Variants in NBEA observed in about 807,000 individuals in gnomAD.
The protein encoded by NBEA is neurobeachin, also known as lysosomal-trafficking regulator 2.
In NBEA, 44 loss-of-function variants were observed where a neutral mutation model predicts 343.4. That is an observed-to-expected ratio of 0.13 (90% CI 0.10 to 0.16). The LOEUF (loss-of-function observed/expected upper bound fraction) is 0.16. NBEA is among the 10% of genes least tolerant of loss of function. The probability of loss-of-function intolerance (pLI) is 1.00; values close to 1 mark genes in which losing one functional copy is unlikely to be tolerated. For synonymous variants in NBEA, 1,175 were observed against 1,238.7 expected (o/e 0.95, Z 1.08); for missense variants, 2,555 against 3,631.3 (o/e 0.70, Z 7.62).
chr13:35,494,685 A>G (rs2076611809), intron 41 of NBEA, among the ~76,000 whole-genome samples: 1 of 152,024 alleles, frequency 6.6e-6, no homozygotes, highest in Non-Finnish European at 1.5e-5. Flanking sequence ...AACCATATCA[A>G]TAATAGCATT....
chr13:35,154,417 G>A (rs2069011499), intron 18 of NBEA, among the ~76,000 whole-genome samples: 1 of 152,072 alleles, frequency 6.6e-6, no homozygotes. Context: ...TTCAGAATTT[G>A]CCATGTTAAA....
chr13:35,259,167 G>T (rs2032969720), intron 34 of NBEA, among the ~76,000 whole-genome samples: 1 of 151,972 alleles, frequency 6.6e-6, no homozygotes, highest in South Asian at 2.1e-4. Context: ...TTATTATCTG[G>T]TGTCCTGAAT....
intron 36 of NBEA, among the ~76,000 whole-genome samples, chr13:35,331,672 A>G (rs2038934778): frequency 6.6e-6 from 1 of 152,098 alleles, no homozygotes; most frequent in Non-Finnish European, 1.5e-5. Context: ...CAAGAACATC[A>G]GAACTTGCTT....
chr13:35,444,049 TAG>T (rs1179487736), intron 39 of NBEA, among the ~76,000 whole-genome samples: 1 of 151,994 alleles, frequency 6.6e-6, no homozygotes, highest in Non-Finnish European at 1.5e-5. Flanking sequence ...ATTGTTACAG[TAG>T]ACTGTTCTAG....
chr13:35,263,566 G>A (rs973465499), intron 34 of NBEA, among the ~76,000 whole-genome samples: 3 of 152,092 alleles, frequency 2.0e-5, no homozygotes, highest in Admixed American at 2.0e-4. Context: ...GACTGAAATT[G>A]TATCAGGTAT....
At chr13:35,439,946 C>T (rs949784191) in intron 39 of NBEA, among the ~76,000 whole-genome samples, 2 of 152,160 alleles carry the variant, frequency 1.3e-5, no homozygotes, top group Non-Finnish European at 2.9e-5. Context: ...ATGGTGCGAT[C>T]TTGGCTCACT....
At chr13:35,143,550 G>C (rs952819942) in intron 18 of NBEA, among the ~76,000 whole-genome samples, 12 of 152,146 alleles carry the variant, frequency 7.9e-5, no homozygotes, top group African/African-American at 2.9e-4. Flanking sequence ...CATGCTAAGA[G>C]AAGACTTACA....
At chr13:35,358,385 C>T (rs1045453877) in intron 38 of NBEA, among the ~76,000 whole-genome samples, 14 of 151,962 alleles carry the variant, frequency 9.2e-5, no homozygotes, top group African/African-American at 3.4e-4. Flanking sequence ...CCCAACTGAG[C>T]TTATAGTCTA....
In NBEA at chr13:35,272,229, C is replaced by T. The variant is rs138364270; in HGVS notation, c.5777-18160C>T. On this transcript the variant is annotated intron_variant, in intron 34 of 58. Transcript: ENST00000379939. The stretch of plus-strand genomic sequence containing the variant: ...CATTCTTGAAGAAAATAATTTTCAA[C>T]CCAGAATCCCATATCCAGCCAAACT... Among the ~76,000 whole-genome samples the T allele has an allele frequency of 9.8e-3, 1,495 of 152,232 alleles. 26 individuals are homozygous for T. The highest frequency in any genetic ancestry group is 0.034 in the African/African-American group (1,422 of 41,506).
At chr13:34,962,047 T>G (rs983105345) in intron 1 of NBEA, among the ~76,000 whole-genome samples, 6 of 152,108 alleles carry the variant, frequency 3.9e-5, no homozygotes, top group African/African-American at 1.4e-4. Flanking sequence ...TTAATACAAG[T>G]TAATTTCACC....
chr13:35,476,716 AT>A, intron 41 of NBEA: 1 of 1,066,956 alleles, frequency 9.4e-7, no homozygotes, highest in Non-Finnish European at 1.2e-6. Flanking sequence ...TCGTGTGGAA[AT>A]TATAAAGGCA....
At chr13:35,118,738 T>C (rs1593404749) in intron 16 of NBEA, among the ~76,000 whole-genome samples, 2 of 151,982 alleles carry the variant, frequency 1.3e-5, no homozygotes, top group South Asian at 2.1e-4. Context: ...CATTTTTTTT[T>C]CCAAGAAGAC....
chr13:35,447,406 A>G (rs2046100709), intron 39 of NBEA, among the ~76,000 whole-genome samples: 1 of 152,002 alleles, frequency 6.6e-6, no homozygotes, highest in Admixed American at 6.6e-5. Flanking sequence ...ATTCTTGGTT[A>G]TTAATAGAAA....
intron 36 of NBEA, among the ~76,000 whole-genome samples, chr13:35,329,597 C>T (rs981508202): frequency 6.6e-5 from 10 of 151,958 alleles, no homozygotes; most frequent in South Asian, 4.1e-4. Context: ...ACAGCAAAGA[C>T]ATACCACATG....
chr13:35,613,022 T>A (rs1351711304), intron 48 of NBEA, among the ~76,000 whole-genome samples: 1 of 151,310 alleles, frequency 6.6e-6, no homozygotes, highest in African/African-American at 2.4e-5. Context: ...AGCATATCCA[T>A]CACCTCAAAT....
intron 5 of NBEA, among the ~76,000 whole-genome samples, chr13:35,049,163 C>A (rs2062974413): frequency 6.6e-6 from 1 of 151,786 alleles, no homozygotes; most frequent in Admixed American, 6.6e-5. Context: ...AGTTGATCAA[C>A]CTAACAATGT....
intron 2 of NBEA, among the ~76,000 whole-genome samples, chr13:35,042,201 T>C (rs1356326641): frequency 6.6e-6 from 1 of 151,876 alleles, no homozygotes; most frequent in Non-Finnish European, 1.5e-5. Flanking sequence ...TCTGAGAAAA[T>C]ATATTAAAAA....
At chr13:34,951,120 A>G (rs973960120) in intron 1 of NBEA, among the ~76,000 whole-genome samples, 2 of 152,230 alleles carry the variant, frequency 1.3e-5, no homozygotes, top group Non-Finnish European at 2.9e-5. Context: ...AGAGGTTCCT[A>G]TAATTTATTC....
chr13:35,418,418 CTA>C (rs2044072397), intron 38 of NBEA, among the ~76,000 whole-genome samples: 1 of 151,736 alleles, frequency 6.6e-6, no homozygotes, highest in South Asian at 2.1e-4. Context: ...ACAGAAGAAA[CTA>C]TGTGCTTGTA....
Sources: gnomAD v4.1 joint callset for allele counts (sites outside exome capture counted in the v4.1 genomes callset) on GRCh38, gnomAD v4.1.1 for gene constraint, MANE v1.5 for transcripts, NCBI Gene and HGNC (gene_info 2026-07-23, HGNC 2026-07-21) for gene names.